Variants in PLXNA4 observed in about 807,000 individuals in gnomAD.
The protein encoded by PLXNA4 is plexin A4.
Under a neutral mutation model 191.8 loss-of-function variants are expected in PLXNA4, and 44 were observed. The ratio of observed to expected loss-of-function variants is 0.23; its 90% CI spans 0.18 to 0.29. The LOEUF is 0.29. Among genes scored for constraint, PLXNA4 ranks in the 10% least tolerant of loss-of-function variants. The pLI is 1.00. For missense variants in PLXNA4, 1,800 were observed against 2,488.8 expected, an observed-to-expected ratio of 0.72 and a Z score of 5.89; for synonymous variants, 1,082 against 1,009.5, an observed-to-expected ratio of 1.07 and a Z score of -1.36.
At chr7:132,589,187 T>C (rs1462288396) in intron 2 of PLXNA4, among the ~76,000 whole-genome samples, 1 of 152,106 alleles carries the variant, frequency 6.6e-6, no homozygotes, top group Non-Finnish European at 1.5e-5. Flanking sequence ...TTCAGGTGAG[T>C]AGGGGACAAA....
intron 2 of PLXNA4, among the ~76,000 whole-genome samples, chr7:132,617,829 A>T (rs1803185614): frequency 6.6e-6 from 1 of 152,184 alleles, no homozygotes; most frequent in Non-Finnish European, 1.5e-5. Flanking sequence ...ACTAAATAAG[A>T]GTTGTTTATA....
At chr7:132,630,007 G>A (rs554540919) in intron 2 of PLXNA4, among the ~76,000 whole-genome samples, 29 of 152,030 alleles carry the variant, frequency 1.9e-4, no homozygotes, top group Non-Finnish European at 1.2e-4. Context: ...CCACCACCAC[G>A]CCTGGCTAAT....
intron 3 of PLXNA4, among the ~76,000 whole-genome samples, chr7:132,315,581 A>G (rs1415321025): frequency 6.6e-6 from 1 of 152,106 alleles, no homozygotes. Context: ...GCTGGATCTC[A>G]TTTTCGATCA....
intron 4 of PLXNA4, among the ~76,000 whole-genome samples, chr7:132,268,102 C>G (rs894139040): frequency 2.6e-5 from 4 of 152,108 alleles, no homozygotes; most frequent in African/African-American, 9.7e-5. Context: ...TGGTACACAC[C>G]GTGATTAAAA....
At chr7:132,536,104 C>T (rs1157563490) in intron 1 of PLXNA4, among the ~76,000 whole-genome samples, 10 of 152,170 alleles carry the variant, frequency 6.6e-5, no homozygotes, top group South Asian at 4.1e-4. Flanking sequence ...CTCGGACCCT[C>T]GTGCATAAAA....
At chr7:132,135,841 T>C (rs1248938588) in intron 30 of PLXNA4, among the ~76,000 whole-genome samples, 16 of 152,152 alleles carry the variant, frequency 1.1e-4, no homozygotes, top group Admixed American at 1.0e-3. Flanking sequence ...CTCCTGTCTC[T>C]TTCCTGTTCC....
Position 132,270,335 on chromosome 7 carries a change from A to G in PLXNA4, c.1503+27756T>C, listed in dbSNP as rs144454072. On this transcript the variant is annotated intron_variant, in intron 4 of 31. Transcript: ENST00000321063. ...ACAGACAATAGCTTAAAAAGTCTAG[A>G]AATTATAGACCGATTGAGGTCAGCA... Among the ~76,000 whole-genome samples, 5 of 152,324 alleles carry G rather than the reference A, an allele frequency of 3.3e-5. No homozygotes were observed. The East Asian group carries it at 9.6e-4, about 29-fold the overall frequency.
chr7:132,132,497 T>TC (rs1794991616), intron 31 of PLXNA4, among the ~76,000 whole-genome samples: 1 of 111,934 alleles, frequency 8.9e-6, no homozygotes, highest in Non-Finnish European at 1.8e-5. Context: ...GCTCTATTCT[T>TC]TTCTATTCTA....
intron 10 of PLXNA4, among the ~76,000 whole-genome samples, chr7:132,206,677 TCC>T (rs1445718955): frequency 1.3e-5 from 2 of 151,998 alleles, no homozygotes; most frequent in African/African-American, 4.8e-5. Flanking sequence ...AGGCTCTCTC[TCC>T]TGTGGATGAC....
At chr7:132,518,283 C>T (rs963120593) in intron 1 of PLXNA4, among the ~76,000 whole-genome samples, 1 of 152,170 alleles carries the variant, frequency 6.6e-6, no homozygotes, top group African/African-American at 2.4e-5. Flanking sequence ...CAAAACCCAT[C>T]ACTACCACTA....
intron 3 of PLXNA4, among the ~76,000 whole-genome samples, chr7:132,401,531 A>T (rs1793984272): frequency 6.6e-6 from 1 of 152,250 alleles, no homozygotes; most frequent in Non-Finnish European, 1.5e-5. Context: ...TTGTGGAGCA[A>T]ATCAGTGAAC....
At chr7:132,337,781 T>A (rs1802876854) in intron 3 of PLXNA4, among the ~76,000 whole-genome samples, 1 of 152,132 alleles carries the variant, frequency 6.6e-6, no homozygotes, top group Admixed American at 6.6e-5. Context: ...TTGTAACATA[T>A]TTCCAGGCTG....
intron 2 of PLXNA4, among the ~76,000 whole-genome samples, chr7:132,593,540 G>A (rs1344707683): frequency 6.6e-6 from 1 of 152,174 alleles, no homozygotes; most frequent in Admixed American, 6.5e-5. Context: ...AGTCCAGGAG[G>A]ATGGCTCAGG....
At chr7:132,231,892 T>C (rs944406166) in intron 5 of PLXNA4, among the ~76,000 whole-genome samples, 3 of 152,174 alleles carry the variant, frequency 2.0e-5, no homozygotes, top group African/African-American at 7.2e-5. Context: ...TTCTTACTAG[T>C]TGTCAAAGGG....
chr7:132,232,282 C>T (rs1191267023), intron 5 of PLXNA4, among the ~76,000 whole-genome samples: 1 of 152,144 alleles, frequency 6.6e-6, no homozygotes, highest in Non-Finnish European at 1.5e-5. Flanking sequence ...GGCCCCTTGA[C>T]ATGAAGGAAT....
At chr7:132,284,263 A>G (rs1435089564) in intron 4 of PLXNA4, among the ~76,000 whole-genome samples, 1 of 152,250 alleles carries the variant, frequency 6.6e-6, no homozygotes, top group Admixed American at 6.5e-5. Context: ...TTTTAAAAAA[A>G]AGTCCTGCAG....
intron 1 of PLXNA4, among the ~76,000 whole-genome samples, chr7:132,557,838 C>T (rs1426619043): frequency 6.6e-6 from 1 of 152,072 alleles, no homozygotes. Context: ...TCCTGTAGAT[C>T]CGCAGCTGTT....
intron 4 of PLXNA4, among the ~76,000 whole-genome samples, chr7:132,247,653 C>T (rs761373188): frequency 2.6e-5 from 4 of 152,216 alleles, no homozygotes; most frequent in Non-Finnish European, 4.4e-5. Flanking sequence ...CACCCGCCTT[C>T]ATCTCCTTTG....
chr7:132,538,039 C>A (rs2116482696), intron 1 of PLXNA4, among the ~76,000 whole-genome samples: 1 of 152,358 alleles, frequency 6.6e-6, no homozygotes, highest in South Asian at 2.1e-4. Flanking sequence ...TCAAGTCCTC[C>A]AAGAAAAGGA....
Sources: gnomAD v4.1 joint callset for allele counts (sites outside exome capture counted in the v4.1 genomes callset) on GRCh38, gnomAD v4.1.1 for gene constraint, MANE v1.5 for transcripts, NCBI Gene and HGNC (gene_info 2026-07-23, HGNC 2026-07-21) for gene names.